The following CEP85L variants were observed in gnomAD, a reference collection of about 807,000 sequenced individuals.
CEP85L encodes the protein centrosomal protein of 85 kDa-like.
CEP85L carries 60 observed loss-of-function variants against 100.3 expected under a neutral mutation model. That is an observed-to-expected ratio of 0.60 (90% CI 0.49 to 0.74). The LOEUF (loss-of-function observed/expected upper bound fraction) is 0.74. Among genes scored for constraint, CEP85L ranks in the 30% least tolerant of loss-of-function variants. The probability of loss-of-function intolerance (pLI) is 0.00; values close to 1 mark genes in which losing one functional copy is unlikely to be tolerated. For missense variants in CEP85L, 973 were observed against 936.2 expected (o/e 1.04, Z -0.51); for synonymous variants, 319 against 322.7 (o/e 0.99, Z 0.12).
chr6:118,640,691 AT>A (rs1294121430), intron 1 of CEP85L, among the ~76,000 whole-genome samples: 1 of 151,850 alleles, frequency 6.6e-6, no homozygotes, highest in Non-Finnish European at 1.5e-5. Context: ...TGTCTGGCTA[AT>A]TTTTTAGGTT....
At chr6:118,472,670 T>C (rs1773054924) in intron 10 of CEP85L, among the ~76,000 whole-genome samples, 2 of 152,214 alleles carry the variant, frequency 1.3e-5, no homozygotes, top group African/African-American at 2.4e-5. Flanking sequence ...GGTAGTACTT[T>C]ACAATGCATA....
intron 1 of CEP85L, among the ~76,000 whole-genome samples, chr6:118,698,119 G>A (rs72962946): frequency 0.14 from 21,772 of 152,136 alleles, 2,059 homozygotes; most frequent in Non-Finnish European, 0.21. Flanking sequence ...GATCACTCAA[G>A]AAAAGGAGCT....
At chr6:118,659,422 A>G (rs1344166109) in intron 1 of CEP85L, among the ~76,000 whole-genome samples, 1 of 152,224 alleles carries the variant, frequency 6.6e-6, no homozygotes, top group Non-Finnish European at 1.5e-5. Flanking sequence ...GTAATCTCCT[A>G]ATGAAGTTAT....
intron 3 of CEP85L, among the ~76,000 whole-genome samples, chr6:118,562,324 A>G (rs1779271007): frequency 6.6e-6 from 1 of 152,176 alleles, no homozygotes; most frequent in African/African-American, 2.4e-5. Context: ...TTCATGTTAG[A>G]CAAAAAACAA....
chr6:118,469,960 CT>C (rs2114423958), intron 11 of CEP85L, among the ~76,000 whole-genome samples: 1 of 152,168 alleles, frequency 6.6e-6, no homozygotes, highest in Non-Finnish European at 1.5e-5. Context: ...TAAAAAGTAA[CT>C]TTGAACCTCA....
intron 5 of CEP85L, among the ~76,000 whole-genome samples, chr6:118,497,433 G>A (rs1196101452): frequency 2.4e-4 from 37 of 152,164 alleles, no homozygotes; most frequent in Admixed American, 2.4e-3. Flanking sequence ...TGGAAAACAA[G>A]CTCCGGGCTC....
chr6:118,612,703 T>A (rs1772728063), intron 2 of CEP85L, among the ~76,000 whole-genome samples: 5 of 114,946 alleles, frequency 4.3e-5, no homozygotes, highest in African/African-American at 6.5e-5. Context: ...GACTCTCAAA[T>A]CAGTAATCTA....
At position 118,535,367 on chromosome 6, in the gene CEP85L, G is replaced by T. The variant is rs182959575; in HGVS notation, c.1021-11447C>A. 4.4e-3 allele frequency among the ~76,000 whole-genome samples: 669 copies of T among 152,230 alleles called. 3 individuals carry two copies. The highest frequency in any genetic ancestry group is 0.015 in the African/African-American group (643 of 41,516). On this transcript the variant is annotated intron_variant, in intron 3 of 12. Coordinates refer to ENST00000368491, the MANE Select transcript of CEP85L (RefSeq NM_001042475.3). The stretch of plus-strand genomic sequence containing the variant: ...AGAATCAGATCAGTGGTTGCCAAGC[G>T]GGGTAGAGGACTAACTACAAAGGGG...
intron 2 of CEP85L, among the ~76,000 whole-genome samples, chr6:118,599,485 T>C (rs1233715023): frequency 6.6e-6 from 1 of 152,202 alleles, no homozygotes; most frequent in Admixed American, 6.5e-5. Flanking sequence ...GTTACTTTCT[T>C]ACAGAAGAAT....
At chr6:118,483,506 G>T (rs1053792464) in intron 7 of CEP85L, among the ~76,000 whole-genome samples, 200 bp downstream of exon 7, 1 of 151,992 alleles carries the variant, frequency 6.6e-6, no homozygotes, top group Non-Finnish European at 1.5e-5. Context: ...TACAATACAG[G>T]ATCAATAGGA....
intron 3 of CEP85L, among the ~76,000 whole-genome samples, chr6:118,530,159 A>C (rs1777210327): frequency 6.6e-6 from 1 of 152,226 alleles, no homozygotes; most frequent in African/African-American, 2.4e-5. Context: ...AAAACTATTA[A>C]GAATAAATGG....
At chr6:118,550,269 T>G (rs931964981) in intron 3 of CEP85L, among the ~76,000 whole-genome samples, 2 of 151,806 alleles carry the variant, frequency 1.3e-5, no homozygotes, top group African/African-American at 4.8e-5. Context: ...CTTTAATTAG[T>G]GAGATTAAGA....
At chr6:118,621,338 AACGGTTCACTGTT>A (rs1773429879) in intron 2 of CEP85L, among the ~76,000 whole-genome samples, 1 of 152,176 alleles carries the variant, frequency 6.6e-6, no homozygotes, top group South Asian at 2.1e-4. Context: ...GAGGAAGCAG[AACGGTTCACTGTT>A]CTGGACCTCA....
chr6:118,519,361 C>A (rs1441234332), intron 4 of CEP85L, among the ~76,000 whole-genome samples: 1 of 150,956 alleles, frequency 6.6e-6, no homozygotes, highest in Admixed American at 6.6e-5. Flanking sequence ...ACTGCATGAA[C>A]CCGGGAGGCG....
Position 118,464,112 on chromosome 6 carries a change from G to C in CEP85L, c.*1293C>G, listed in dbSNP as rs1398748544. The C allele has an allele frequency of 6.6e-6, 1 of 152,098 alleles. No individual in the cohort carries two copies. The highest frequency in any genetic ancestry group is 2.4e-5 in the African/African-American group (1 of 41,432). The allele number at this position is 152,098 out of a possible 1,614,324, so 9.4% of individuals were successfully genotyped here. ...CACAAGATCAAACCAACTTACAAAG[G>C]ACAAGGCTTTCGCCAAAACTAAGTA... On this transcript the variant is annotated 3_prime_UTR_variant, in exon 13 of 13. Coordinates refer to ENST00000368491, the MANE Select transcript of CEP85L (RefSeq NM_001042475.3).
intron 1 of CEP85L, among the ~76,000 whole-genome samples, chr6:118,698,811 A>G (rs1256466700): frequency 6.6e-6 from 1 of 152,206 alleles, no homozygotes; most frequent in Non-Finnish European, 1.5e-5. Context: ...CAAAAAAATT[A>G]CAATAATTTT....
chr6:118,676,541 A>G (rs1009561554), intron 1 of CEP85L, among the ~76,000 whole-genome samples: 2 of 152,210 alleles, frequency 1.3e-5, no homozygotes, highest in Non-Finnish European at 2.9e-5. Flanking sequence ...TTAAGGCTGT[A>G]TGGTATTCCA....
chr6:118,548,301 C>G (rs1442662569), intron 3 of CEP85L: 2 of 152,098 alleles, frequency 1.3e-5, no homozygotes, highest in Non-Finnish European at 1.5e-5. Flanking sequence ...TTCCCATAAA[C>G]TGGGTGACAG....
chr6:118,655,089 A>G (rs1302798889), upstream of CEP85L, among the ~76,000 whole-genome samples: 1 of 152,226 alleles, frequency 6.6e-6, no homozygotes, highest in Non-Finnish European at 1.5e-5. Flanking sequence ...AGCCAAGTTC[A>G]TAGAAACCTT....
Sources: allele counts gnomAD v4.1 joint callset (sites outside exome capture counted in the v4.1 genomes callset), GRCh38; gene constraint gnomAD v4.1.1; transcripts MANE v1.5; gene names NCBI Gene and HGNC (gene_info 2026-07-23, HGNC 2026-07-21).